The following CTNNA3 variants were observed in gnomAD, a reference collection of about 807,000 sequenced individuals.
The protein encoded by CTNNA3 is catenin alpha 3, also known as catenin alpha-3.
A neutral mutation model predicts 95.7 loss-of-function variants in CTNNA3; 76 were observed. That is an observed-to-expected ratio of 0.79 (90% CI 0.66 to 0.96). The LOEUF is 0.96. Ranked by LOEUF, CTNNA3 falls within the 40% of genes least tolerant of loss-of-function variation. The pLI is 0.00. For synonymous variants in CTNNA3, 431 were observed against 374.4 expected, an observed-to-expected ratio of 1.15 and a Z score of -1.74; for missense variants, 1,191 against 1,089.8, an observed-to-expected ratio of 1.09 and a Z score of -1.31.
chr10:67,506,323 T>A (rs1023057125), intron 5 of CTNNA3, among the ~76,000 whole-genome samples: 1 of 152,214 alleles, frequency 6.6e-6, no homozygotes, highest in Non-Finnish European at 1.5e-5. Context: ...TGTAAGTGTT[T>A]CTACTGCTGT....
chr10:66,551,014 A>G (rs907268531), intron 10 of CTNNA3, among the ~76,000 whole-genome samples: 2 of 133,210 alleles, frequency 1.5e-5, no homozygotes, highest in Admixed American at 1.7e-4. Flanking sequence ...TTTTTTCTTT[A>G]TTAAGTGAAT....
At chr10:66,915,027 A>G (rs1463631440) in intron 7 of CTNNA3, among the ~76,000 whole-genome samples, 1 of 152,154 alleles carries the variant, frequency 6.6e-6, no homozygotes, top group Admixed American at 6.5e-5. Flanking sequence ...AAGAAAAACC[A>G]AAGGATCAAT....
chr10:66,366,592 T>C (rs2092712545), intron 12 of CTNNA3, among the ~76,000 whole-genome samples: 1 of 152,120 alleles, frequency 6.6e-6, no homozygotes. Flanking sequence ...CTATGAGGGA[T>C]GCATCCTCCC....
At position 67,539,960 on chromosome 10, in the gene CTNNA3, A is replaced by G. The variant is rs2133696; in HGVS notation, c.293-291T>C. ...CCAACTTCTGCATTTGCTGAATCTC[A>G]TTTCTTGTAAAAGGTTTTATTACTA... is the stretch of plus-strand genomic sequence containing the variant. On this transcript the variant is annotated intron_variant, in intron 3 of 17. Transcript: ENST00000433211. 0.2 allele frequency among the ~76,000 whole-genome samples: 30,118 copies of G among 152,098 alleles called. 4,961 individuals are homozygous for G. The highest frequency in any genetic ancestry group is 0.46 in the African/African-American group (18,979 of 41,458).
intron 4 of CTNNA3, among the ~76,000 whole-genome samples, chr10:67,524,190 T>C (rs1589387983): frequency 6.6e-6 from 1 of 150,994 alleles, no homozygotes; most frequent in Non-Finnish European, 1.5e-5. Flanking sequence ...GATCACGAGG[T>C]CAGGAGATCG....
intron 9 of CTNNA3, among the ~76,000 whole-genome samples, chr10:66,705,535 T>C (rs1412883148): frequency 1.3e-5 from 2 of 152,154 alleles, no homozygotes; most frequent in East Asian, 1.9e-4. Flanking sequence ...CTGGATTAAA[T>C]TGATAATGAT....
At chr10:66,977,465 G>A (rs1226073718) in intron 7 of CTNNA3, among the ~76,000 whole-genome samples, 1 of 151,662 alleles carries the variant, frequency 6.6e-6, no homozygotes, top group Non-Finnish European at 1.5e-5. Flanking sequence ...AAGATCATAT[G>A]ATATGACCCT....
At chr10:67,142,193 T>C (rs1445167686) in intron 7 of CTNNA3, among the ~76,000 whole-genome samples, 2 of 152,182 alleles carry the variant, frequency 1.3e-5, no homozygotes, top group African/African-American at 2.4e-5. Flanking sequence ...AGAGATATTA[T>C]TGGAGAACAA....
At chr10:66,745,728 T>G (rs1838838887) in intron 9 of CTNNA3, among the ~76,000 whole-genome samples, 1 of 150,750 alleles carries the variant, frequency 6.6e-6, no homozygotes, top group Admixed American at 6.6e-5. Context: ...TAGCTGGGAC[T>G]ACAGGCGCAC....
intron 13 of CTNNA3, among the ~76,000 whole-genome samples, chr10:66,177,943 A>G (rs1202522862): frequency 6.6e-6 from 1 of 151,776 alleles, no homozygotes; most frequent in Admixed American, 6.6e-5. Flanking sequence ...TCTTTTCATA[A>G]TTTTGTTTTC....
chr10:66,963,918 C>T (rs1475064739), intron 7 of CTNNA3, among the ~76,000 whole-genome samples: 1 of 151,428 alleles, frequency 6.6e-6, no homozygotes, highest in Admixed American at 6.6e-5. Context: ...TCTCGGTTCA[C>T]TGAAACCTCC....
At chr10:66,347,381 C>T (rs962551414) in intron 12 of CTNNA3, among the ~76,000 whole-genome samples, 6 of 151,890 alleles carry the variant, frequency 4.0e-5, no homozygotes, top group African/African-American at 7.2e-5. Context: ...GAGGCCAAGG[C>T]GGGAAGATTG....
At chr10:66,400,087 A>G (rs2093008789) in intron 11 of CTNNA3, among the ~76,000 whole-genome samples, 1 of 152,046 alleles carries the variant, frequency 6.6e-6, no homozygotes, top group East Asian at 1.9e-4. Flanking sequence ...TTTATAGCCT[A>G]TTAAATTTAG....
At chr10:67,326,524 T>G (rs1841543384) in intron 5 of CTNNA3, among the ~76,000 whole-genome samples, 1 of 152,240 alleles carries the variant, frequency 6.6e-6, no homozygotes, top group Non-Finnish European at 1.5e-5. Context: ...TTGAAATTTC[T>G]TTTCTTTAAG....
chr10:67,216,705 A>G (rs1864382143), intron 6 of CTNNA3, among the ~76,000 whole-genome samples: 1 of 152,174 alleles, frequency 6.6e-6, no homozygotes. Flanking sequence ...CATACATATC[A>G]TTTGTTATCA....
At chr10:67,349,884 T>C (rs1842568328) in intron 5 of CTNNA3, among the ~76,000 whole-genome samples, 1 of 152,060 alleles carries the variant, frequency 6.6e-6, no homozygotes, top group Admixed American at 6.6e-5. Flanking sequence ...TACTCAGACA[T>C]GGATTAATCA....
chr10:66,349,896 T>C (rs930625786), intron 12 of CTNNA3, among the ~76,000 whole-genome samples: 1 of 152,094 alleles, frequency 6.6e-6, no homozygotes, highest in Admixed American at 6.6e-5. Flanking sequence ...AGCTTCTCAG[T>C]CACCCCATCA....
At chr10:66,141,383 AT>A (rs2083610692) in intron 13 of CTNNA3, among the ~76,000 whole-genome samples, 1 of 152,140 alleles carries the variant, frequency 6.6e-6, no homozygotes, top group African/African-American at 2.4e-5. Flanking sequence ...TGAGGTTAAA[AT>A]TTACATTAAA....
intron 1 of CTNNA3, among the ~76,000 whole-genome samples, chr10:67,681,454 G>A (rs1840624550): frequency 6.6e-6 from 1 of 152,002 alleles, no homozygotes; most frequent in Non-Finnish European, 1.5e-5. Context: ...ATGATCAACT[G>A]AATAAACATT....
Sources: allele counts gnomAD v4.1 joint callset (sites outside exome capture counted in the v4.1 genomes callset), GRCh38; gene constraint gnomAD v4.1.1; transcripts MANE v1.5; gene names NCBI Gene and HGNC (gene_info 2026-07-23, HGNC 2026-07-21).